Variants in DERPC observed in about 807,000 individuals in gnomAD.
DERPC encodes the protein DERPC proline and glycine rich nuclear protein, also known as decreased expression in renal and prostate cancer protein.
DERPC carries 1 observed loss-of-function variant against 7.2 expected under a neutral mutation model. That is an observed-to-expected ratio of 0.14 (90% confidence interval 0.05 to 0.66). DERPC has a LOEUF of 0.66. Ranked by LOEUF, DERPC falls within the 30% of genes least tolerant of loss-of-function variation. DERPC has a pLI of 0.84. For missense variants in DERPC, 502 were observed against 299.4 expected, an observed-to-expected ratio of 1.68 and a Z score of -4.99; for synonymous variants, 185 against 117.6, an observed-to-expected ratio of 1.57 and a Z score of -3.71.
chr16:69,126,566 G>A (rs114451154), intron 1 of DERPC, among the ~76,000 whole-genome samples: 35 of 152,284 alleles, frequency 2.3e-4, no homozygotes, highest in African/African-American at 7.9e-4. Context: ...CAGTCAGGCT[G>A]GTAAAAACTT....
chr16:69,122,560 G>A (rs6499219), intron 1 of DERPC, among the ~76,000 whole-genome samples: 107,357 of 143,982 alleles, frequency 0.75, 40,669 homozygotes, highest in African/African-American at 0.89. Context: ...TTTTTTTTTG[G>A]GAGGGAGTCT....
At position 69,118,223 on chromosome 16, in the gene DERPC, T is replaced by TA; in HGVS notation, c.*630dup. ...ACCAGTGAAGAGGGAGTTGGATGAG[T>TA]AGAGGGGCCTTAAATCTGGCCACCT... On this transcript the variant is annotated 3_prime_UTR_variant, in exon 3 of 3. Coordinates refer to ENST00000519520, the MANE Select transcript of DERPC (RefSeq NM_001002847.4). 1 of 668,572 alleles carries TA rather than the reference T, an allele frequency of 1.5e-6. No individual in the cohort carries two copies. Among genetic ancestry groups the TA allele is most frequent in the Non-Finnish European group, 2.7e-6 (1 of 367,062 alleles). 41.4% of individuals were successfully genotyped at this position (668,572 alleles called of 1,614,324 possible). A position where few individuals can be genotyped will look rare whatever the true frequency, so the allele number is the denominator to read the frequency against.
chr16:69,127,645 T>A (rs1962169640), intron 1 of DERPC, among the ~76,000 whole-genome samples: 1 of 147,568 alleles, frequency 6.8e-6, no homozygotes, highest in Admixed American at 6.8e-5. Flanking sequence ...TGTCTCCCTC[T>A]GTTGCCCAGG....
rs1184303952 is a variant in DERPC, at chr16:69,119,734, G to A, written c.695C>T (p.Pro232Leu). The A allele has an allele frequency of 4.3e-6, 3 of 690,910 alleles. No individual in the cohort carries two copies. The highest frequency in any genetic ancestry group is 2.7e-6 in the Non-Finnish European group (1 of 376,890). The allele number at this position is 690,910 out of a possible 1,614,324, so 42.8% of individuals were successfully genotyped here. A position where few individuals can be genotyped will look rare whatever the true frequency, so the allele number is the denominator to read the frequency against. ...TGGTCTTGGGTTGGGCCCAAGGCCT[G>A]GGCCTGGAAACACACCTGACCTGGG... is the stretch of plus-strand genomic sequence containing the variant. ...PAPRSGVFPG[P>L]GLGPNPRPSG... is the part of the protein sequence containing the mutation. The change falls in exon 3 of 3, where the codon CCA becomes CTA. Residue 232 changes from proline to leucine, a missense_variant. Coordinates refer to ENST00000519520, the MANE Select transcript of DERPC (RefSeq NM_001002847.4).
Position 69,120,978 on chromosome 16 carries a change from C to T in DERPC, c.-221-329G>A. ...TAACAAACCTGAGGCAGTCCTCACT[C>T]TGGGTCCTGGGAGCACCACCTTGGT... is the stretch of plus-strand genomic sequence containing the variant. On this transcript the variant is annotated intron_variant, in intron 2 of 2. Transcript: ENST00000519520. This position sits in a 1 kb window ranked among gnomAD's most constrained non-coding sequence, Gnocchi z 4.0. 7.9e-7 allele frequency: 1 copy of T among 1,261,012 alleles called. No individual in the cohort carries two copies. Among genetic ancestry groups the T allele is most frequent in the Non-Finnish European group, 1.2e-6 (1 of 857,432 alleles). The allele number at this position is 1,261,012 out of a possible 1,614,324, so 78.1% of individuals were successfully genotyped here.
At chr16:69,130,015 A>G in intron 1 of DERPC, among the ~76,000 whole-genome samples, 1 of 152,284 alleles carries the variant, frequency 6.6e-6, no homozygotes, top group East Asian at 1.9e-4. Flanking sequence ...TCAAGAGAAT[A>G]GAGGACATTC....
In DERPC at chr16:69,120,140, A is replaced by G. The variant is rs1597107877; in HGVS notation, c.289T>C (p.Ser97Pro). The change falls in exon 3 of 3, where the codon TCT becomes CCT. Residue 97 changes from serine to proline, a missense_variant. Ser to Pro is a moderately conservative substitution (Grantham distance 74). Coordinates refer to ENST00000519520, the MANE Select transcript of DERPC (RefSeq NM_001002847.4). The surrounding 1 kb of genome is among the most constrained non-coding windows in gnomAD (Gnocchi z 4.0). ...PAGARDPSMA[S>P]FPRGMNPTGT... is the part of the protein sequence containing the mutation. ...GTGGGATTCATCCCTCTTGGAAAAGAAGCCATACTTGGGTCACGAGCACCA... is the reference window on the plus strand; with the variant it reads ...GTGGGATTCATCCCTCTTGGAAAAGGAGCCATACTTGGGTCACGAGCACCA... 3 of 701,358 alleles carry G rather than the reference A, an allele frequency of 4.3e-6. No homozygotes were observed. Among genetic ancestry groups the G allele is most frequent in the Non-Finnish European group, 2.6e-6 (1 of 384,936 alleles). The allele number at this position is 701,358 out of a possible 1,614,324, so 43.4% of individuals were successfully genotyped here.
chr16:69,118,683 C>G lies in DERPC; in HGVS notation c.*171G>C. On this transcript the variant is annotated 3_prime_UTR_variant, in exon 3 of 3. Coordinates refer to ENST00000519520, the MANE Select transcript of DERPC (RefSeq NM_001002847.4). ...GCCACAGTTCACATGCCACAAATAA[C>G]ATCTCACCTTCAGTCAAGAAAAACG... The G allele has an allele frequency of 1.5e-6, 1 of 670,664 alleles. No individual in the cohort carries two copies. The highest frequency in any genetic ancestry group is 2.7e-6 in the Non-Finnish European group (1 of 370,114). 41.5% of individuals were successfully genotyped at this position (670,664 alleles called of 1,614,324 possible).
At chr16:69,123,924 C>CGAA (rs1961864080) in intron 1 of DERPC, among the ~76,000 whole-genome samples, 1 of 77,526 alleles carries the variant, frequency 1.3e-5, no homozygotes, top group African/African-American at 4.6e-5. Flanking sequence ...CCCATCTCTA[C>CGAA]TAAAAAAAAA....
chr16:69,132,017 C>T (rs1183826367), intron 1 of DERPC: 3 of 153,460 alleles, frequency 2.0e-5, no homozygotes, highest in African/African-American at 7.2e-5. Context: ...GGTTCCAGTT[C>T]TACTCCGCTC....
rs1961590724 is a variant in DERPC at position 69,120,707 on chromosome 16, G to C, written c.-221-58C>G. On this transcript the variant is annotated intron_variant, in intron 2 of 2. Transcript: ENST00000519520. The surrounding 1 kb of genome is among the most constrained non-coding windows in gnomAD (Gnocchi z 4.0). ...TCCGGGGCAAGGCCATAACACTCAG[G>C]CGCCTCCTAAAGCTGCTCTTGGCAG... 1.4e-6 allele frequency: 2 copies of C among 1,468,560 alleles called. No individual in the cohort carries two copies. The highest frequency in any genetic ancestry group is 9.4e-7 in the Non-Finnish European group (1 of 1,063,718). 91.0% of individuals were successfully genotyped at this position (1,468,560 alleles called of 1,614,324 possible).
At chr16:69,130,343 T>C (rs780798504) in intron 1 of DERPC, among the ~76,000 whole-genome samples, 11 of 152,254 alleles carry the variant, frequency 7.2e-5, no homozygotes, top group Non-Finnish European at 1.6e-4. Context: ...ACCAAGCCTT[T>C]AAATTCTCAA....
In DERPC at chr16:69,118,011, C is replaced by T. The variant is rs1460385980; in HGVS notation, c.*843G>A. On this transcript the variant is annotated 3_prime_UTR_variant, in exon 3 of 3. Coordinates refer to ENST00000519520, the MANE Select transcript of DERPC (RefSeq NM_001002847.4). The stretch of plus-strand genomic sequence containing the variant: ...TAACAAAACACAGTGACACCAGCAG[C>T]CCTCTCATCCCATTTATTAAAGAAA... 8 of 313,428 alleles carry T rather than the reference C, an allele frequency of 2.6e-5. No individual in the cohort carries two copies. The highest frequency in any genetic ancestry group is 4.8e-5 in the Non-Finnish European group (8 of 165,660). The allele number at this position is 313,428 out of a possible 1,614,324, so 19.4% of individuals were successfully genotyped here.
At chr16:69,122,205 A>G (rs1961724109) in intron 1 of DERPC, among the ~76,000 whole-genome samples, 1 of 152,196 alleles carries the variant, frequency 6.6e-6, no homozygotes, top group South Asian at 2.1e-4. Flanking sequence ...AATATTGTAC[A>G]TATGAGATAG....
chr16:69,118,123 C>CA lies in DERPC; in HGVS notation c.*730_*731insT. The CA allele has an allele frequency of 2.5e-6, 1 of 399,448 alleles. No homozygotes were observed. Among genetic ancestry groups the CA allele is most frequent in the Non-Finnish European group, 4.5e-6 (1 of 221,436 alleles). 24.7% of individuals were successfully genotyped at this position (399,448 alleles called of 1,614,324 possible). ...AGCACAGTGATTTCTTCCCTTCATC[C>CA]CCCACCCCCACCCTAATTCCCATAT... is the stretch of plus-strand genomic sequence containing the variant. On this transcript the variant is annotated 3_prime_UTR_variant, in exon 3 of 3. Transcript: ENST00000519520.
In DERPC at chr16:69,120,970, T is replaced by G; in HGVS notation, c.-221-321A>C. 1 of 1,157,030 alleles carries G rather than the reference T, an allele frequency of 8.6e-7. No homozygotes were observed. Among genetic ancestry groups the G allele is most frequent in the Non-Finnish European group, 1.3e-6 (1 of 762,582 alleles). 71.7% of individuals were successfully genotyped at this position (1,157,030 alleles called of 1,614,324 possible). A position where few individuals can be genotyped will look rare whatever the true frequency, so the allele number is the denominator to read the frequency against. On this transcript the variant is annotated intron_variant, in intron 2 of 2. Transcript: ENST00000519520. This position sits in a 1 kb window ranked among gnomAD's most constrained non-coding sequence, Gnocchi z 4.0. ...GCCTTGAATAACAAACCTGAGGCAGTCCTCACTCTGGGTCCTGGGAGCACC... is the reference window on the plus strand; with the variant it reads ...GCCTTGAATAACAAACCTGAGGCAGGCCTCACTCTGGGTCCTGGGAGCACC...
intron 1 of DERPC, among the ~76,000 whole-genome samples, chr16:69,125,570 G>C (rs991997097): frequency 5.9e-5 from 9 of 152,202 alleles, no homozygotes; most frequent in Non-Finnish European, 8.8e-5. Context: ...CTGGTCAGAA[G>C]GGCAATATGG....
At chr16:69,127,551 C>A (rs1391356443) in intron 1 of DERPC, among the ~76,000 whole-genome samples, 1 of 148,812 alleles carries the variant, frequency 6.7e-6, no homozygotes, top group Non-Finnish European at 1.5e-5. Context: ...ATACGCTATA[C>A]ATGAAGTCAA....
At position 69,119,666 on chromosome 16, in the gene DERPC, C is replaced by A; in HGVS notation, c.763G>T (p.Gly255Cys). 1 of 674,572 alleles carries A rather than the reference C, an allele frequency of 1.5e-6. No individual in the cohort carries two copies. Among genetic ancestry groups the A allele is most frequent in the Non-Finnish European group, 2.7e-6 (1 of 369,872 alleles). 41.8% of individuals were successfully genotyped at this position (674,572 alleles called of 1,614,324 possible). A position where few individuals can be genotyped will look rare whatever the true frequency, so the allele number is the denominator to read the frequency against. The change falls in exon 3 of 3, where the codon GGC (glycine) becomes TGC (cysteine). Residue 255 changes from glycine to cysteine, a missense_variant. Coordinates refer to ENST00000519520, the MANE Select transcript of DERPC (RefSeq NM_001002847.4). ...PGPNLDARAG[G>C]LLGTGSGLNL... ...AGACCAGATCCTGTGCCCAAGAGGC[C>A]ACCTGCTCTGGCATCTAGATTAGGG... is the stretch of plus-strand genomic sequence containing the variant.
Sources: gnomAD v4.1 joint callset for allele counts (sites outside exome capture counted in the v4.1 genomes callset) on GRCh38, gnomAD v4.1.1 for gene constraint, Gnocchi (gnomAD v3.1) non-coding constraint, MANE v1.5 for transcripts, NCBI Gene and HGNC (gene_info 2026-07-23, HGNC 2026-07-21) for gene names.